The following FAM135A variants were observed in gnomAD, a reference collection of about 807,000 sequenced individuals.
The protein encoded by FAM135A is family with sequence similarity 135 member A, also known as protein FAM135A.
In FAM135A, 79 loss-of-function variants were observed where a neutral mutation model predicts 146.8. The observed-to-expected ratio is 0.54, with a 90% CI of 0.45 to 0.65. The LOEUF is 0.65. FAM135A is among the 30% of genes least tolerant of loss of function. The probability of loss-of-function intolerance (pLI) is 0.00; values close to 1 mark genes in which losing one functional copy is unlikely to be tolerated. For missense variants in FAM135A, 1,623 were observed against 1,758.2 expected, an observed-to-expected ratio of 0.92 and a Z score of 1.38; for synonymous variants, 562 against 603.6, an observed-to-expected ratio of 0.93 and a Z score of 1.01.
chr6:70,518,379 A>G (rs1408406461), intron 12 of FAM135A, among the ~76,000 whole-genome samples: 1 of 152,222 alleles, frequency 6.6e-6, no homozygotes, highest in Non-Finnish European at 1.5e-5. Context: ...GGAAGTCTCC[A>G]TAACATAAAA....
chr6:70,470,091 C>T (rs1381052829), intron 5 of FAM135A, among the ~76,000 whole-genome samples: 1 of 151,954 alleles, frequency 6.6e-6, no homozygotes. Context: ...GATTATAAGT[C>T]AAGTAAGATG....
chr6:70,468,016 G>T (rs1448622321), intron 5 of FAM135A, among the ~76,000 whole-genome samples: 1 of 152,192 alleles, frequency 6.6e-6, no homozygotes, highest in African/African-American at 2.4e-5. Flanking sequence ...GCCTGCAGGG[G>T]ACTTGTCTGA....
intron 3 of FAM135A, among the ~76,000 whole-genome samples, chr6:70,427,998 A>G (rs1770600500): frequency 6.6e-6 from 1 of 152,178 alleles, no homozygotes; most frequent in African/African-American, 2.4e-5. Context: ...CCTATCTATA[A>G]GAGATAAAGT....
chr6:70,471,219 A>T (rs534983781), intron 5 of FAM135A, among the ~76,000 whole-genome samples: 1 of 152,250 alleles, frequency 6.6e-6, no homozygotes, highest in Non-Finnish European at 1.5e-5. Flanking sequence ...AATATGACAA[A>T]GCAAGGGTAA....
intron 4 of FAM135A, among the ~76,000 whole-genome samples, chr6:70,429,386 G>A (rs1054681753): frequency 6.6e-6 from 1 of 151,942 alleles, no homozygotes; most frequent in Non-Finnish European, 1.5e-5. Context: ...GGTGGTGCAC[G>A]CCTGTAATCC....
chr6:70,554,323 C>T (rs545091179), intron 20 of FAM135A, among the ~76,000 whole-genome samples: 6 of 152,204 alleles, frequency 3.9e-5, no homozygotes, highest in Admixed American at 6.5e-5. Context: ...CATTGTATTT[C>T]GGATGTAAAT....
At position 70,480,920 on chromosome 6, in the gene FAM135A, A is replaced by G; in HGVS notation, c.562A>G (p.Thr188Ala). The G allele has an allele frequency of 6.2e-7, 1 of 1,611,040 alleles. No homozygotes were observed. The highest frequency in any genetic ancestry group is 8.5e-7 in the Non-Finnish European group (1 of 1,178,852). Reference sequence around the variant, plus strand: ...CTCCAGCTTTCCTCGCCCTGTGAAGACAACTTGGTTAAATAGAAATGCACC... The same window carrying G: ...CTCCAGCTTTCCTCGCCCTGTGAAGGCAACTTGGTTAAATAGAAATGCACC... ...PLISFPRPVK[T>A]TWLNRNAPAQ... Residue 188 changes from threonine (T) to alanine (A), a missense_variant, in exon 9 of 22, where the codon ACA becomes GCA. By Grantham distance (58) the Thr-to-Ala change is moderately conservative. Around this residue, in one of 7 missense-constraint regions of FAM135A, gnomAD observed 206 missense variants for 194.7 expected, o/e 1.06. Transcript: ENST00000418814.
At chr6:70,455,914 C>G (rs59600780) in intron 5 of FAM135A, among the ~76,000 whole-genome samples, 2 of 152,042 alleles carry the variant, frequency 1.3e-5, no homozygotes, top group Admixed American at 1.3e-4. Flanking sequence ...TGCAGTGGTG[C>G]GATCTCGGCT....
At chr6:70,486,905 C>A (rs1230268415) in intron 10 of FAM135A, among the ~76,000 whole-genome samples, 1 of 151,852 alleles carries the variant, frequency 6.6e-6, no homozygotes, top group Non-Finnish European at 1.5e-5. Flanking sequence ...CCAGCCTAGG[C>A]AACAAAAGTG....
chr6:70,530,300 A>G (rs149756116), intron 16 of FAM135A, among the ~76,000 whole-genome samples: 3 of 152,258 alleles, frequency 2.0e-5, no homozygotes, highest in South Asian at 2.1e-4. Flanking sequence ...TTTGATCTCA[A>G]TAGGATTAGT....
At chr6:70,495,384 GTAAT>G (rs1786989566) in intron 11 of FAM135A, among the ~76,000 whole-genome samples, 1 of 152,064 alleles carries the variant, frequency 6.6e-6, no homozygotes, top group South Asian at 2.1e-4. Context: ...CTATGTACCA[GTAAT>G]TAGAGTCACA....
At chr6:70,549,764 A>C (rs78245675) in intron 20 of FAM135A, among the ~76,000 whole-genome samples, 3,231 of 152,266 alleles carry the variant, frequency 0.021, 110 homozygotes, top group African/African-American at 0.074. Flanking sequence ...AAATTACAAC[A>C]ACGAGGTTTG....
intron 12 of FAM135A, among the ~76,000 whole-genome samples, chr6:70,508,055 T>C (rs2346890): frequency 0.2 from 30,686 of 152,038 alleles, 3,394 homozygotes; most frequent in African/African-American, 0.29. Context: ...TCCTTGAGCC[T>C]AGATTTCCAC....
intron 5 of FAM135A, among the ~76,000 whole-genome samples, chr6:70,460,977 C>A (rs1250308970): frequency 1.3e-5 from 2 of 151,838 alleles, no homozygotes; most frequent in Non-Finnish European, 2.9e-5. Flanking sequence ...GCACGCACCA[C>A]CACGCCTGAC....
intron 5 of FAM135A, among the ~76,000 whole-genome samples, chr6:70,474,748 C>G (rs976113892): frequency 6.6e-6 from 1 of 152,118 alleles, no homozygotes; most frequent in Non-Finnish European, 1.5e-5. Flanking sequence ...CAGGGAAGCT[C>G]ACTCAAACTT....
At chr6:70,460,688 C>T (rs1779251662) in intron 5 of FAM135A, among the ~76,000 whole-genome samples, 1 of 151,846 alleles carries the variant, frequency 6.6e-6, no homozygotes, top group Non-Finnish European at 1.5e-5. Context: ...TTCTGAAAAC[C>T]GATAAAACCA....
intron 4 of FAM135A, among the ~76,000 whole-genome samples, chr6:70,445,274 G>A (rs1027807101): frequency 6.6e-6 from 1 of 152,142 alleles, no homozygotes; most frequent in Admixed American, 6.5e-5. Context: ...AGAGACTATG[G>A]CCCACAGAGT....
intron 12 of FAM135A, among the ~76,000 whole-genome samples, chr6:70,510,084 T>C (rs1054873853): frequency 1.3e-5 from 2 of 152,078 alleles, no homozygotes; most frequent in Non-Finnish European, 2.9e-5. Flanking sequence ...CTGCATTCAC[T>C]GGAATTAATC....
intron 16 of FAM135A, among the ~76,000 whole-genome samples, chr6:70,532,146 G>A (rs1795949274): frequency 6.6e-6 from 1 of 151,978 alleles, no homozygotes; most frequent in Admixed American, 6.5e-5. Flanking sequence ...AAAGTGCTGG[G>A]ATTACAGGCG....
Sources: allele counts gnomAD v4.1 joint callset (sites outside exome capture counted in the v4.1 genomes callset), GRCh38; gene constraint gnomAD v4.1.1; regional missense constraint gnomAD v4.1.1; transcripts MANE v1.5; gene names NCBI Gene and HGNC (gene_info 2026-07-23, HGNC 2026-07-21).